Variants in NEO1 observed in about 807,000 individuals in gnomAD.
NEO1 encodes the protein neogenin 1, also known as neogenin.
Under a neutral mutation model 159.7 loss-of-function variants are expected in NEO1, and 63 were observed. The observed-to-expected ratio is 0.39, with a 90% CI of 0.32 to 0.49. The LOEUF (loss-of-function observed/expected upper bound fraction) is 0.49. Ranked by LOEUF, NEO1 falls within the 20% of genes least tolerant of loss-of-function variation. NEO1 has a pLI of 0.85. For synonymous variants in NEO1, 633 were observed against 662.0 expected, an observed-to-expected ratio of 0.96 and a Z score of 0.67; for missense variants, 1,615 against 1,831.0, an observed-to-expected ratio of 0.88 and a Z score of 2.15.
intron 13 of NEO1, chr15:73,256,228 A>G (rs2040341794): frequency 6.6e-6 from 1 of 152,224 alleles, no homozygotes; most frequent in Non-Finnish European, 1.5e-5. Flanking sequence ...AGCCAGGTGC[A>G]GTGGCTGATG....
chr15:73,221,031 T>C (rs547165658), intron 7 of NEO1, among the ~76,000 whole-genome samples: 47 of 152,332 alleles, frequency 3.1e-4, no homozygotes, highest in African/African-American at 1.0e-3. Context: ...GTTTTTCTGC[T>C]CTGTTTTTTC....
intron 1 of NEO1, among the ~76,000 whole-genome samples, chr15:73,058,022 A>T (rs79777409): frequency 6.6e-6 from 1 of 152,238 alleles, no homozygotes; most frequent in African/African-American, 2.4e-5. Context: ...ATATGTGTGT[A>T]TGGTTTTATT....
chr15:73,102,315 G>A (rs1251943823), intron 1 of NEO1, among the ~76,000 whole-genome samples: 14 of 152,056 alleles, frequency 9.2e-5, no homozygotes, highest in Admixed American at 1.3e-4. Context: ...GCAGTGAGCC[G>A]AGATCACGCC....
intron 7 of NEO1, among the ~76,000 whole-genome samples, chr15:73,205,751 A>G (rs1242404084): frequency 6.6e-6 from 1 of 152,098 alleles, no homozygotes; most frequent in East Asian, 1.9e-4. Flanking sequence ...TTGCCCTGCA[A>G]TCTCATTTCT....
At chr15:73,152,490 C>T (rs1407286343) in intron 5 of NEO1, among the ~76,000 whole-genome samples, 1 of 152,084 alleles carries the variant, frequency 6.6e-6, no homozygotes, top group Non-Finnish European at 1.5e-5. Context: ...CTCCCTACCT[C>T]ACCCTACACA....
intron 1 of NEO1, among the ~76,000 whole-genome samples, chr15:73,099,937 T>C (rs2070303918): frequency 6.6e-6 from 1 of 152,238 alleles, no homozygotes; most frequent in African/African-American, 2.4e-5. Flanking sequence ...TATCATTTTC[T>C]ACTTTTCTTG....
chr15:73,122,425 ATGTTGTAGCCATG>A, intron 2 of NEO1, 87 bp from the exon 3 acceptor site: 1 of 1,096,840 alleles, frequency 9.1e-7, no homozygotes, highest in Non-Finnish European at 1.3e-6. Context: ...GTTCTGCCAT[ATGTTGTAGCCATG>A]TGAGCTGACT....
rs370814673 is a variant in NEO1 at position 73,301,457 on chromosome 15, T to C, written c.4302T>C (p.Ser1434=). ...ETTRMLEDSE[S]SYEPDELTKE... ...CAAGGATGTTGGAAGACTCCGAGAG[T>C]GTAAGTTCGTGGGGCCATCAGTCCA... Residue 1434 remains serine (S), a splice_region_variant and synonymous_variant, in exon 28 of 29, where the codon AGT becomes AGC. Coordinates refer to ENST00000261908, the MANE Select transcript of NEO1 (RefSeq NM_002499.4). The C allele has an allele frequency of 1.5e-5, 24 of 1,613,594 alleles. No individual in the cohort carries two copies. The South Asian group carries it at 2.5e-4, about 17-fold the overall frequency.
chr15:73,099,731 A>G (rs2070292045), intron 1 of NEO1, among the ~76,000 whole-genome samples: 1 of 152,216 alleles, frequency 6.6e-6, no homozygotes, highest in Non-Finnish European at 1.5e-5. Flanking sequence ...AACAATTTGT[A>G]GACATATGGG....
intron 7 of NEO1, among the ~76,000 whole-genome samples, chr15:73,187,754 A>G (rs1326060538): frequency 6.6e-6 from 1 of 152,224 alleles, no homozygotes; most frequent in Non-Finnish European, 1.5e-5. Flanking sequence ...AATCTAGTCC[A>G]TCTTCCCTTG....
chr15:73,139,249 C>T (rs573668221), intron 5 of NEO1, among the ~76,000 whole-genome samples: 4 of 152,154 alleles, frequency 2.6e-5, no homozygotes, highest in African/African-American at 4.8e-5. Flanking sequence ...AGCTTATTGA[C>T]GTTGGTCTTT....
At chr15:73,289,364 C>T (rs2151128420) in intron 25 of NEO1, 126 bp downstream of exon 25, 2 of 799,904 alleles carry the variant, frequency 2.5e-6, no homozygotes, top group South Asian at 3.2e-5. Context: ...AGCTTTGACA[C>T]CTTGAAGGAG....
intron 6 of NEO1, among the ~76,000 whole-genome samples, chr15:73,176,872 G>C (rs1230224954): frequency 2.6e-5 from 4 of 152,192 alleles, no homozygotes; most frequent in Non-Finnish European, 5.9e-5. Context: ...ACATGTGTGT[G>C]CGTGTATGTG....
intron 22 of NEO1, among the ~76,000 whole-genome samples, chr15:73,282,513 A>C (rs1195166419): frequency 6.6e-6 from 1 of 152,248 alleles, no homozygotes; most frequent in African/African-American, 2.4e-5. Flanking sequence ...TTATAATCTC[A>C]GATATCTGCC....
At chr15:73,080,487 A>G (rs1285409795) in intron 1 of NEO1, among the ~76,000 whole-genome samples, 3 of 151,580 alleles carry the variant, frequency 2.0e-5, no homozygotes, top group Admixed American at 1.3e-4. Context: ...TTAGTTACAT[A>G]TTTTTGTAAC....
chr15:73,089,677 T>G (rs1419358585), intron 1 of NEO1, among the ~76,000 whole-genome samples: 1 of 152,074 alleles, frequency 6.6e-6, no homozygotes, highest in African/African-American at 2.4e-5. Context: ...AGGGAAAATG[T>G]CTTTCTCATA....
chr15:73,216,425 T>A (rs35082203), intron 7 of NEO1, among the ~76,000 whole-genome samples: 12,052 of 152,232 alleles, frequency 0.079, 565 homozygotes, highest in Non-Finnish European at 0.097. Context: ...CGGCATGATT[T>A]ATACTCCTTT....
At chr15:73,057,866 A>G (rs905125340) in intron 1 of NEO1, among the ~76,000 whole-genome samples, 1 of 152,204 alleles carries the variant, frequency 6.6e-6, no homozygotes, top group African/African-American at 2.4e-5. Context: ...TATTTTAAAA[A>G]CTTATTTAAA....
At chr15:73,054,208 TG>T (rs1487176935) in intron 1 of NEO1, among the ~76,000 whole-genome samples, 1 of 152,272 alleles carries the variant, frequency 6.6e-6, no homozygotes, top group African/African-American at 2.4e-5. Flanking sequence ...AACAAGTTCC[TG>T]TTACTCATGA....
Sources: gnomAD v4.1 joint callset for allele counts (sites outside exome capture counted in the v4.1 genomes callset) on GRCh38, gnomAD v4.1.1 for gene constraint, MANE v1.5 for transcripts, NCBI Gene and HGNC (gene_info 2026-07-23, HGNC 2026-07-21) for gene names.